The following APCDD1 variants were observed in gnomAD, a reference collection of about 807,000 sequenced individuals.
The protein encoded by APCDD1 is protein APCDD1.
A neutral mutation model predicts 38.1 loss-of-function variants in APCDD1; 15 were observed. The ratio of observed to expected loss-of-function variants is 0.39; its 90% confidence interval spans 0.26 to 0.61. The LOEUF (loss-of-function observed/expected upper bound fraction) is 0.61. Among genes scored for constraint, APCDD1 ranks in the 20% least tolerant of loss-of-function variants. APCDD1 has a pLI of 0.49. For missense variants in APCDD1, 647 were observed against 696.2 expected (o/e 0.93, Z 0.79); for synonymous variants, 261 against 279.7 (o/e 0.93, Z 0.67).
At chr18:10,459,790 A>C (rs1355628335) in intron 1 of APCDD1, among the ~76,000 whole-genome samples, 1 of 152,174 alleles carries the variant, frequency 6.6e-6, no homozygotes, top group African/African-American at 2.4e-5. Context: ...TGGGCAGGCA[A>C]TTTCATGGCT....
intron 1 of APCDD1, 95 bp downstream of exon 1, chr18:10,455,134 G>C: frequency 1.3e-6 from 2 of 1,514,884 alleles, no homozygotes; most frequent in Non-Finnish European, 1.8e-6. Flanking sequence ...ATCGCGGCAC[G>C]GCCTACACTG....
intron 1 of APCDD1, among the ~76,000 whole-genome samples, chr18:10,459,696 CA>C (rs565966839): frequency 6.6e-6 from 1 of 152,192 alleles, no homozygotes; most frequent in South Asian, 2.1e-4. Context: ...GCTTTTATTT[CA>C]AAAAAATGGA....
In APCDD1 at chr18:10,454,931, G is replaced by A; in HGVS notation, c.-51G>A. 1 of 1,477,676 alleles carries A rather than the reference G, an allele frequency of 6.8e-7. No homozygotes were observed. The highest frequency in any genetic ancestry group is 1.3e-5 in the South Asian group (1 of 77,152). The allele number at this position is 1,477,676 out of a possible 1,614,324, so 91.5% of individuals were successfully genotyped here. A position where few individuals can be genotyped will look rare whatever the true frequency, so the allele number is the denominator to read the frequency against. On this transcript the variant is annotated 5_prime_UTR_variant, in exon 1 of 5. Transcript: ENST00000355285. ...GGGCAGAGCGCGCGCCCAGTTGCCC[G>A]GGCACCAAATCGGAGCGCGGCGTGC...
intron 3 of APCDD1, among the ~76,000 whole-genome samples, chr18:10,481,682 T>TAA (rs34860980): frequency 0.27 from 38,217 of 142,978 alleles, 4,941 homozygotes; most frequent in Admixed American, 0.3. Flanking sequence ...AACACAGTAA[T>TAA]AAAAAAAAAA....
In APCDD1 at chr18:10,471,791, C is replaced by A; in HGVS notation, c.504C>A (p.Asn168Lys). 6.2e-7 allele frequency: 1 copy of A among 1,613,278 alleles called. No individual in the cohort carries two copies. The highest frequency in any genetic ancestry group is 8.5e-7 in the Non-Finnish European group (1 of 1,179,488). ...AVAEKLGQQV[N>K]RTCPGFLADG... Reference sequence around the variant, plus strand: ...CCGAGAAGCTCGGCCAGCAGGTGAACCGCACATGCCCGGGCTTCCTCGCAG... The same window carrying A: ...CCGAGAAGCTCGGCCAGCAGGTGAAACGCACATGCCCGGGCTTCCTCGCAG... Residue 168 changes from asparagine to lysine, a missense_variant, in exon 3 of 5, where the codon AAC (asparagine) becomes AAA (lysine). Asn to Lys is a moderately conservative substitution (Grantham distance 94). Transcript: ENST00000355285. This position sits in a 1 kb window ranked among gnomAD's most constrained non-coding sequence, Gnocchi z 5.5.
Position 10,464,809 on chromosome 18 carries a change from G to T in APCDD1, c.59-3660G>T, listed in dbSNP as rs1422198833. On this transcript the variant is annotated intron_variant, in intron 1 of 4. Coordinates refer to ENST00000355285, the MANE Select transcript of APCDD1 (RefSeq NM_153000.5). ...GGCCTCACTCTCTTCTACATTGAGG[G>T]TCATCATTTAACTTTGCCTGGAGGC... Among the ~76,000 whole-genome samples, 4 of 152,180 alleles carry T rather than the reference G, an allele frequency of 2.6e-5. No homozygotes were observed. The East Asian group carries it at 7.7e-4, about 29-fold the overall frequency.
At chr18:10,482,063 G>C (rs1238305561) in intron 3 of APCDD1, among the ~76,000 whole-genome samples, 1 of 152,090 alleles carries the variant, frequency 6.6e-6, no homozygotes, top group Non-Finnish European at 1.5e-5. Flanking sequence ...CCTTTGCCTT[G>C]TCTGAGCCAA....
At chr18:10,483,918 A>C (rs1054372443) in intron 3 of APCDD1, among the ~76,000 whole-genome samples, 6 of 152,352 alleles carry the variant, frequency 3.9e-5, no homozygotes, top group Non-Finnish European at 8.8e-5. Flanking sequence ...ACCCAGGTGC[A>C]GGAGGAGGCA....
rs1294555326 is a variant in APCDD1, at chr18:10,489,703, A to G, written c.*1665A>G. On this transcript the variant is annotated 3_prime_UTR_variant, in exon 5 of 5. Transcript: ENST00000355285. ...AACAGAGCGAGACTCCATCTCAAAA[A>G]AAAAAAAAAGTAACTTTATGAAATG... The G allele has an allele frequency of 6.6e-6, 1 of 152,102 alleles. No individual in the cohort carries two copies. Among genetic ancestry groups the G allele is most frequent in the East Asian group, 1.9e-4 (1 of 5,196 alleles). 9.4% of individuals were successfully genotyped at this position (152,102 alleles called of 1,614,324 possible).
At chr18:10,456,925 GAGAC>G (rs1476154027) in intron 1 of APCDD1, among the ~76,000 whole-genome samples, 5 of 152,226 alleles carry the variant, frequency 3.3e-5, no homozygotes, top group African/African-American at 1.2e-4. Flanking sequence ...GAGCACAGTG[GAGAC>G]AGACCGTGTG....
At chr18:10,455,065 G>A in intron 1 of APCDD1, 26 bp downstream of exon 1, 2 of 1,553,750 alleles carry the variant, frequency 1.3e-6, no homozygotes, top group Admixed American at 1.9e-5. Context: ...CCACTCGAGC[G>A]CTCCCAGCCG....
In APCDD1 at chr18:10,487,925, G is replaced by A; in HGVS notation, c.1432G>A (p.Glu478Lys). ...TTCGCCGAGGGCAGAGGACCTCGCA[G>A]AAGACAGTGGAAGCAGCCTGTATGG... Reference protein sequence around the residue: ...SSSPRAEDLAEDSGSSLYGRA... With the variant: ...SSSPRAEDLAKDSGSSLYGRA... The change falls in exon 5 of 5, where the codon GAA (glutamate) becomes AAA (lysine). Residue 478 changes from glutamate (E) to lysine (K), a missense_variant. Physicochemically the swap from Glu to Lys is moderately conservative, Grantham distance 56. Transcript: ENST00000355285. 1 of 1,613,380 alleles carries A rather than the reference G, an allele frequency of 6.2e-7. No homozygotes were observed. Among genetic ancestry groups the A allele is most frequent in the Non-Finnish European group, 8.5e-7 (1 of 1,179,764 alleles).
chr18:10,456,369 A>C (rs962845585), intron 1 of APCDD1, among the ~76,000 whole-genome samples: 2 of 152,206 alleles, frequency 1.3e-5, no homozygotes, highest in African/African-American at 2.4e-5. Flanking sequence ...TTTGGCTGAA[A>C]CATGAAACAA....
intron 1 of APCDD1, among the ~76,000 whole-genome samples, chr18:10,461,196 C>T (rs1050263874): frequency 2.6e-5 from 4 of 152,100 alleles, no homozygotes; most frequent in Admixed American, 1.3e-4. Context: ...TACATACCAC[C>T]GAGCCCTCCA....
chr18:10,481,920 G>T (rs1399577980), intron 3 of APCDD1, among the ~76,000 whole-genome samples: 1 of 152,088 alleles, frequency 6.6e-6, no homozygotes, highest in Non-Finnish European at 1.5e-5. Context: ...ACCTCCTGAA[G>T]TGACCAAGTC....
chr18:10,457,838 C>T (rs1286716286), intron 1 of APCDD1, among the ~76,000 whole-genome samples: 1 of 152,156 alleles, frequency 6.6e-6, no homozygotes, highest in East Asian at 1.9e-4. Flanking sequence ...GAGGCTCTGG[C>T]AAGACTTGAG....
intron 1 of APCDD1, among the ~76,000 whole-genome samples, chr18:10,455,550 T>C (rs2143499711): frequency 6.6e-6 from 1 of 152,358 alleles, no homozygotes; most frequent in South Asian, 2.1e-4. Flanking sequence ...GTTGTCTGCC[T>C]GCACTTTGCC....
chr18:10,458,599 A>G (rs1450628901), intron 1 of APCDD1, among the ~76,000 whole-genome samples: 2 of 152,190 alleles, frequency 1.3e-5, no homozygotes, highest in Non-Finnish European at 1.5e-5. Flanking sequence ...TGACAAGCCA[A>G]TTTCATTCTT....
rs2030852433 is a variant in APCDD1 at position 10,471,603 on chromosome 18, T to C, written c.316T>C (p.Tyr106His). 1.1e-5 allele frequency: 17 copies of C among 1,614,068 alleles called. No individual in the cohort carries two copies. Among genetic ancestry groups the C allele is most frequent in the Non-Finnish European group, 1.4e-5 (16 of 1,180,040 alleles). Residue 106 changes from tyrosine (Y) to histidine (H), a missense_variant, in exon 3 of 5, where the codon TAC (tyrosine) becomes CAC (histidine). Tyr to His is a moderately conservative substitution (Grantham distance 83, BLOSUM62 2). Coordinates refer to ENST00000355285, the MANE Select transcript of APCDD1 (RefSeq NM_153000.5). This position sits in a 1 kb window ranked among gnomAD's most constrained non-coding sequence, Gnocchi z 5.5. The part of the protein sequence containing the change: ...RFYHNNTFKA[Y>H]QFYYGSNRCT... ...CTACCACAATAACACCTTCAAGGCC[T>C]ACCAATTTTATTATGGCAGCAACCG...
Sources: gnomAD v4.1 joint callset for allele counts (sites outside exome capture counted in the v4.1 genomes callset) on GRCh38, gnomAD v4.1.1 for gene constraint, Gnocchi (gnomAD v3.1) non-coding constraint, MANE v1.5 for transcripts, NCBI Gene and HGNC (gene_info 2026-07-23, HGNC 2026-07-21) for gene names.